Variants in EMILIN2 observed in about 807,000 individuals in gnomAD.
The protein encoded by EMILIN2 is elastin microfibril interfacer 2.
EMILIN2 carries 71 observed loss-of-function variants against 87.1 expected under a neutral mutation model. The ratio of observed to expected loss-of-function variants is 0.82; its 90% CI spans 0.67 to 0.99. The LOEUF is 0.99. Ranked by LOEUF, EMILIN2 falls within the 50% of genes least tolerant of loss-of-function variation. The pLI, the probability that EMILIN2 is intolerant of heterozygous loss-of-function variation, is 0.00. For synonymous variants in EMILIN2, 581 were observed against 563.4 expected, an observed-to-expected ratio of 1.03 and a Z score of -0.44; for missense variants, 1,407 against 1,371.8, an observed-to-expected ratio of 1.03 and a Z score of -0.40.
At chr18:2,858,567 ATATGTGTGTGTG>A (rs2076642389) in intron 2 of EMILIN2, among the ~76,000 whole-genome samples, 1 of 58,814 alleles carries the variant, frequency 1.7e-5, no homozygotes, top group South Asian at 7.1e-4. Context: ...ATATATATAT[ATATGTGTGTGTG>A]TGTGTATATA....
At chr18:2,910,193 C>T (rs1011728256) in intron 7 of EMILIN2, among the ~76,000 whole-genome samples, 2 of 151,976 alleles carry the variant, frequency 1.3e-5, no homozygotes, top group Non-Finnish European at 2.9e-5. Flanking sequence ...TCTCAGGCTC[C>T]GACAGTCATC....
rs774207444 is a variant in EMILIN2, at chr18:2,891,893, C to T, written c.1766C>T (p.Thr589Met). The T allele has an allele frequency of 4.3e-6, 7 of 1,614,084 alleles. No individual in the cohort carries two copies. In the East Asian group the frequency reaches 1.6e-4, roughly 36 times the overall value. ...CACCTTTTGAAATCTCTCAACGACA[C>T]GATGCACAGGAAGTTTCAAGAAACC... ...SLHLLKSLNDTMHRKFQETEQ... is the reference protein window; with the variant it reads ...SLHLLKSLNDMMHRKFQETEQ... Residue 589 changes from threonine (T) to methionine (M), a missense_variant, in exon 4 of 8, where the codon ACG becomes ATG. Transcript: ENST00000254528. This position sits in a 1 kb window ranked among gnomAD's most constrained non-coding sequence, Gnocchi z 4.6.
At chr18:2,875,434 T>A (rs6506037) in intron 2 of EMILIN2, among the ~76,000 whole-genome samples, 98,678 of 152,028 alleles carry the variant, frequency 0.65, 32,937 homozygotes, top group East Asian at 0.99. Flanking sequence ...ACATGATGTC[T>A]GTTTCAGAAT....
In EMILIN2 at chr18:2,892,192, A is replaced by G. The variant is rs1461244375; in HGVS notation, c.2065A>G (p.Lys689Glu). The change falls in exon 4 of 8, where the codon AAG becomes GAG. Residue 689 changes from lysine to glutamate, a missense_variant. Transcript: ENST00000254528. ...GGTCATCTCGGAGCTGGATGCTTGTAAGGAATGCACGCAGGGGGTCCAGAG... is the reference window on the plus strand; with the variant it reads ...GGTCATCTCGGAGCTGGATGCTTGTGAGGAATGCACGCAGGGGGTCCAGAG... ...SQVISELDACKECTQGVQREV... is the reference protein window; with the variant it reads ...SQVISELDACEECTQGVQREV... The G allele has an allele frequency of 1.2e-6, 2 of 1,607,102 alleles. No homozygotes were observed. Among genetic ancestry groups the G allele is most frequent in the African/African-American group, 2.7e-5 (2 of 74,740 alleles).
chr18:2,888,295 T>C (rs995837329), intron 3 of EMILIN2, among the ~76,000 whole-genome samples: 1 of 152,226 alleles, frequency 6.6e-6, no homozygotes, highest in Non-Finnish European at 1.5e-5. Context: ...CCGTGGTATA[T>C]GAGCAAAGCA....
At chr18:2,882,905 A>G (rs1161295993) in intron 2 of EMILIN2, among the ~76,000 whole-genome samples, 1 of 151,502 alleles carries the variant, frequency 6.6e-6, no homozygotes, top group Admixed American at 6.6e-5. Flanking sequence ...AATATGACCC[A>G]GGCATGGTGC....
intron 2 of EMILIN2, among the ~76,000 whole-genome samples, chr18:2,858,462 C>A (rs1177303320): frequency 7.1e-6 from 1 of 140,736 alleles, no homozygotes; most frequent in Admixed American, 7.3e-5. Context: ...TCTCCAATTC[C>A]ATCCAGGTTG....
At position 2,892,111 on chromosome 18, in the gene EMILIN2, C is replaced by T. The variant is rs752986188; in HGVS notation, c.1984C>T (p.Pro662Ser). The change falls in exon 4 of 8, where the codon CCC becomes TCC. Residue 662 changes from proline to serine, a missense_variant. Transcript: ENST00000254528. ...GGACACCCTGCCGTCCCCCCAGCAC[C>T]CCGTGGCTCATTGCTGCAGTCAGCT... ...TVDTLPSPQH[P>S]VAHCCSQLEE... 5.6e-6 allele frequency: 9 copies of T among 1,612,666 alleles called. No individual in the cohort carries two copies. In the East Asian group the frequency reaches 1.6e-4, roughly 28 times the overall value.
chr18:2,882,822 G>A (rs1444074037), intron 2 of EMILIN2, among the ~76,000 whole-genome samples: 6 of 151,894 alleles, frequency 4.0e-5, no homozygotes, highest in African/African-American at 1.5e-4. Flanking sequence ...GGCAGAGGTT[G>A]CAGTGAGCCG....
At chr18:2,906,715 C>A (rs897809572) in intron 4 of EMILIN2, 68 bp from the exon 5 acceptor site, 1 of 1,165,906 alleles carries the variant, frequency 8.6e-7, no homozygotes, top group Non-Finnish European at 1.1e-6. Flanking sequence ...ATGGAGGGGA[C>A]CCTGACGGGG....
Position 2,913,221 on chromosome 18 carries a change from C to G in EMILIN2, c.2979C>G (p.His993Gln). The change falls in exon 8 of 8, where the codon CAC becomes CAG. Residue 993 changes from histidine to glutamine, a missense_variant. Physicochemically the swap from His to Gln is conservative, Grantham distance 24. Coordinates refer to ENST00000254528, the MANE Select transcript of EMILIN2 (RefSeq NM_032048.3). The stretch of plus-strand genomic sequence containing the variant: ...ACAGGAGAGAGTTCCTGGAATACCA[C>G]CGCCCTCCAGGAGCTTTGCATACCT... ...AGYRREFLEY[H>Q]RPPGALHTCG... The G allele has an allele frequency of 1.9e-6, 3 of 1,614,088 alleles. No individual in the cohort carries two copies. The highest frequency in any genetic ancestry group is 2.5e-6 in the Non-Finnish European group (3 of 1,180,030).
intron 2 of EMILIN2, among the ~76,000 whole-genome samples, chr18:2,850,755 G>A (rs760522206): frequency 5.3e-5 from 8 of 152,100 alleles, no homozygotes; most frequent in South Asian, 2.1e-4. Flanking sequence ...TGAGAGTGAC[G>A]GACAGGTTGG....
In EMILIN2 at chr18:2,914,367, T is replaced by A. The variant is rs1218280361; in HGVS notation, c.*963T>A. 2.6e-5 allele frequency: 4 copies of A among 152,184 alleles called. No individual in the cohort carries two copies. The highest frequency in any genetic ancestry group is 4.8e-5 in the African/African-American group (2 of 41,436). The allele number at this position is 152,184 out of a possible 1,614,324, so 9.4% of individuals were successfully genotyped here. On this transcript the variant is annotated 3_prime_UTR_variant, in exon 8 of 8. Coordinates refer to ENST00000254528, the MANE Select transcript of EMILIN2 (RefSeq NM_032048.3). Reference sequence around the variant, plus strand: ...CCCACAGCAGCTGCCCAGGCTAACTTGATCCCTGCTGCTTCACTGCACCAA... The same window carrying A: ...CCCACAGCAGCTGCCCAGGCTAACTAGATCCCTGCTGCTTCACTGCACCAA...
At chr18:2,911,172 CG>C (rs1182251552) in intron 7 of EMILIN2, among the ~76,000 whole-genome samples, 1 of 152,208 alleles carries the variant, frequency 6.6e-6, no homozygotes, top group African/African-American at 2.4e-5. Context: ...GATTCAAGTG[CG>C]GTCTGACAGG....
chr18:2,909,966 C>T (rs2076933088), intron 7 of EMILIN2, 147 bp downstream of exon 7: 2 of 1,091,166 alleles, frequency 1.8e-6, no homozygotes, highest in African/African-American at 1.6e-5. Context: ...GGCCTGCACT[C>T]CTCTGCCCGA....
In EMILIN2 at chr18:2,894,896, TTTA is replaced by T. The variant is rs1043329478; in HGVS notation, c.2359+2413_2359+2415del. On this transcript the variant is annotated intron_variant, in intron 4 of 7. Transcript: ENST00000254528. This position sits in a 1 kb window ranked among gnomAD's most constrained non-coding sequence, Gnocchi z 5.0. Reference sequence around the variant, plus strand: ...CAATCAGTTAAAAGTCAACAGAATGTTTATTGAGTGCCTACGATGTGCAAGGCT... The same window carrying T: ...CAATCAGTTAAAAGTCAACAGAATGTTTGAGTGCCTACGATGTGCAAGGCT... 6.6e-6 allele frequency among the ~76,000 whole-genome samples: 1 copy of T among 151,970 alleles called. No homozygotes were observed. The highest frequency in any genetic ancestry group is 2.4e-5 in the African/African-American group (1 of 41,356).
Position 2,847,739 on chromosome 18 carries a change from C to G in EMILIN2, c.135-70C>G. ...CCTCGCTCGGTCTGGTGCCGCAGTCCCCTCTCCCCTGGCCTCATTGTTCTC... is the reference window on the plus strand; with the variant it reads ...CCTCGCTCGGTCTGGTGCCGCAGTCGCCTCTCCCCTGGCCTCATTGTTCTC... On this transcript the variant is annotated intron_variant, in intron 1 of 7. Coordinates refer to ENST00000254528, the MANE Select transcript of EMILIN2 (RefSeq NM_032048.3). This position sits in a 1 kb window ranked among gnomAD's most constrained non-coding sequence, Gnocchi z 4.5. 1.3e-6 allele frequency: 2 copies of G among 1,556,298 alleles called. No individual in the cohort carries two copies. Among genetic ancestry groups the G allele is most frequent in the Non-Finnish European group, 1.7e-6 (2 of 1,155,214 alleles).
intron 2 of EMILIN2, among the ~76,000 whole-genome samples, chr18:2,861,087 GT>G (rs200522814): frequency 2.0e-5 from 3 of 151,642 alleles, no homozygotes; most frequent in Non-Finnish European, 1.5e-5. Flanking sequence ...GGGGTTTTTT[GT>G]TTTTTTTCTT....
intron 3 of EMILIN2, among the ~76,000 whole-genome samples, chr18:2,888,963 A>G (rs143702642): frequency 5.9e-5 from 9 of 152,184 alleles, no homozygotes; most frequent in Non-Finnish European, 1.2e-4. Flanking sequence ...TTAATTTCCA[A>G]TGTTTTCCAG....
Sources: gnomAD v4.1 joint callset for allele counts (sites outside exome capture counted in the v4.1 genomes callset) on GRCh38, gnomAD v4.1.1 for gene constraint, Gnocchi (gnomAD v3.1) non-coding constraint, MANE v1.5 for transcripts, NCBI Gene and HGNC (gene_info 2026-07-23, HGNC 2026-07-21) for gene names.